Variants in AP3S1 observed in about 807,000 individuals in gnomAD.
The protein encoded by AP3S1 is adaptor related protein complex 3 subunit sigma 1, also known as AP-3 complex subunit sigma-1.
A neutral mutation model predicts 21.3 loss-of-function variants in AP3S1; 12 were observed. That is an observed-to-expected ratio of 0.56 (90% CI 0.36 to 0.91). The LOEUF is 0.91. Ranked by LOEUF, AP3S1 falls within the 40% of genes least tolerant of loss-of-function variation. The pLI, the probability that AP3S1 is intolerant of heterozygous loss-of-function variation, is 0.01. For missense variants in AP3S1, 116 were observed against 225.0 expected, an observed-to-expected ratio of 0.52 and a Z score of 3.10; for synonymous variants, 48 against 78.4, an observed-to-expected ratio of 0.61 and a Z score of 2.05.
intron 5 of AP3S1, among the ~76,000 whole-genome samples, chr5:115,911,061 A>T: frequency 6.6e-6 from 1 of 152,140 alleles, no homozygotes; most frequent in East Asian, 1.9e-4. Flanking sequence ...ATTAAGCACA[A>T]ATATGCTATT....
intron 3 of AP3S1, among the ~76,000 whole-genome samples, chr5:115,875,791 T>C (rs1748663090): frequency 6.6e-6 from 1 of 152,236 alleles, no homozygotes; most frequent in South Asian, 2.1e-4. Context: ...TTGTTTCTCA[T>C]GTATTTTTGG....
chr5:115,842,122 C>T lies in AP3S1; in HGVS notation c.69+16C>T. 6.5e-7 allele frequency: 1 copy of T among 1,542,692 alleles called. No homozygotes were observed. Among genetic ancestry groups the T allele is most frequent in the Non-Finnish European group, 8.7e-7 (1 of 1,145,748 alleles). On this transcript the variant is annotated intron_variant, in intron 1 of 5. Transcript: ENST00000316788. Reference sequence around the variant, plus strand: ...CCAGCCCTACGTGAGTATCCAGCCGCCGCTGATCCGGGCGAGGGGGAGTCG... The same window carrying T: ...CCAGCCCTACGTGAGTATCCAGCCGTCGCTGATCCGGGCGAGGGGGAGTCG...
intron 3 of AP3S1, among the ~76,000 whole-genome samples, chr5:115,881,719 G>C (rs1364354749): frequency 6.6e-6 from 1 of 152,098 alleles, no homozygotes; most frequent in Admixed American, 6.6e-5. Flanking sequence ...TGTGTTCTCT[G>C]TATTTCCTGA....
chr5:115,877,909 G>A (rs949756864), intron 3 of AP3S1, among the ~76,000 whole-genome samples: 1 of 152,132 alleles, frequency 6.6e-6, no homozygotes, highest in African/African-American at 2.4e-5. Context: ...GAATGAGATG[G>A]TATCTCATTG....
intron 3 of AP3S1, among the ~76,000 whole-genome samples, chr5:115,881,101 G>A (rs1034830934): frequency 4.6e-5 from 7 of 151,840 alleles, no homozygotes; most frequent in African/African-American, 1.2e-4. Flanking sequence ...GTCTTTGCAC[G>A]TGAAGGGGTC....
chr5:115,851,967 A>T (rs1762469618), intron 1 of AP3S1, among the ~76,000 whole-genome samples: 1 of 151,498 alleles, frequency 6.6e-6, no homozygotes, highest in Admixed American at 6.6e-5. Context: ...TTCAATTTTG[A>T]GTAAGGTTTT....
At chr5:115,882,217 A>G (rs1749360548) in intron 3 of AP3S1, among the ~76,000 whole-genome samples, 1 of 151,986 alleles carries the variant, frequency 6.6e-6, no homozygotes, top group Non-Finnish European at 1.5e-5. Context: ...CATCAAACTC[A>G]TTCACCTTCC....
chr5:115,859,564 C>A (rs1219109932), intron 1 of AP3S1, among the ~76,000 whole-genome samples: 1 of 152,194 alleles, frequency 6.6e-6, no homozygotes, highest in Non-Finnish European at 1.5e-5. Context: ...AAGAGATACA[C>A]CCAGTAGGCT....
chr5:115,885,268 G>A (rs1749679816), intron 3 of AP3S1, among the ~76,000 whole-genome samples: 1 of 152,178 alleles, frequency 6.6e-6, no homozygotes, highest in Non-Finnish European at 1.5e-5. Context: ...ACAAGGCAAA[G>A]TCCTACAATA....
rs755171274 is a variant in AP3S1 at position 115,845,836 on chromosome 5, C to CAAAAAAAAAAAAAAAAA, written c.69+3752_69+3768dup. 3.5e-4 allele frequency among the ~76,000 whole-genome samples: 12 copies of CAAAAAAAAAAAAAAAAA among 34,452 alleles called. 2 individuals carry two copies. Among genetic ancestry groups the CAAAAAAAAAAAAAAAAA allele is most frequent in the Admixed American group, 5.1e-4 (1 of 1,966 alleles). The allele number at this position is 34,452 out of a possible 152,430, so 22.6% of individuals were successfully genotyped here. ...TGGGTGACAGAGTGAGACTCCATCTCAAAAAAAAAAAAAAAAAAAAAAAAA... is the reference window on the plus strand; with the variant it reads ...TGGGTGACAGAGTGAGACTCCATCTCAAAAAAAAAAAAAAAAAAAAAAAAAAAAAAAAAAAAAAAAAA... On this transcript the variant is annotated intron_variant, in intron 1 of 5. Transcript: ENST00000316788.
At chr5:115,888,565 A>T (rs1386405480) in intron 3 of AP3S1, among the ~76,000 whole-genome samples, 3 of 152,148 alleles carry the variant, frequency 2.0e-5, no homozygotes, top group Non-Finnish European at 4.4e-5. Flanking sequence ...AATTTTTTTC[A>T]TAAATTAATA....
At chr5:115,872,056 G>A (rs967567956) in intron 3 of AP3S1, among the ~76,000 whole-genome samples, 5 of 152,198 alleles carry the variant, frequency 3.3e-5, no homozygotes, top group African/African-American at 9.7e-5. Context: ...GTTCACACCT[G>A]TAATCCTAGC....
rs1763660002 is a variant in AP3S1 at position 115,866,821 on chromosome 5, G to A, written c.161+60G>A. 3.6e-6 allele frequency: 4 copies of A among 1,096,330 alleles called. No homozygotes were observed. The South Asian group carries it at 6.1e-5, about 17-fold the overall frequency. 67.9% of individuals were successfully genotyped at this position (1,096,330 alleles called of 1,614,324 possible). On this transcript the variant is annotated intron_variant, in intron 2 of 5. Transcript: ENST00000316788. ...TGACTATGTGATTAAAATATATACT[G>A]TTTAATCAGTTTATGGTAAAAGTTT... is the stretch of plus-strand genomic sequence containing the variant.
At chr5:115,896,900 A>G (rs1489044276) in intron 4 of AP3S1, among the ~76,000 whole-genome samples, 2 of 152,204 alleles carry the variant, frequency 1.3e-5, no homozygotes, top group African/African-American at 4.8e-5. Context: ...TTTTAAGAAA[A>G]TTGAGGACTC....
intron 5 of AP3S1, 54 bp downstream of exon 5, chr5:115,903,046 C>G: frequency 7.8e-7 from 1 of 1,277,650 alleles, no homozygotes; most frequent in Non-Finnish European, 1.1e-6. Flanking sequence ...TGACAGATTA[C>G]GCATGATTTG....
At chr5:115,879,634 A>C (rs1185312534) in intron 3 of AP3S1, among the ~76,000 whole-genome samples, 1 of 152,160 alleles carries the variant, frequency 6.6e-6, no homozygotes, top group Non-Finnish European at 1.5e-5. Context: ...ATCAATGTTC[A>C]TCAGGGTTAT....
At chr5:115,883,623 G>A (rs1451215175) in intron 3 of AP3S1, among the ~76,000 whole-genome samples, 1 of 152,218 alleles carries the variant, frequency 6.6e-6, no homozygotes, top group East Asian at 1.9e-4. Context: ...CTCGCTGGGA[G>A]CTGCAGACTG....
At chr5:115,868,943 AAGGAAGGAAGGGAGGG>A (rs1484339391) in intron 2 of AP3S1, among the ~76,000 whole-genome samples, 7 of 53,530 alleles carry the variant, frequency 1.3e-4, no homozygotes, top group African/African-American at 5.7e-4. Context: ...GGAGGGAAGG[AAGGAAGGAAGGGAGGG>A]AGGGAGGGAG....
intron 3 of AP3S1, among the ~76,000 whole-genome samples, chr5:115,887,048 C>T (rs1244891704): frequency 6.6e-6 from 1 of 152,196 alleles, no homozygotes. Flanking sequence ...AAACACCATA[C>T]TTTAAAGATT....
Sources: gnomAD v4.1 joint callset for allele counts (sites outside exome capture counted in the v4.1 genomes callset) on GRCh38, gnomAD v4.1.1 for gene constraint, MANE v1.5 for transcripts, NCBI Gene and HGNC (gene_info 2026-07-23, HGNC 2026-07-21) for gene names.